The following HEATR5B variants were observed in gnomAD, a reference collection of about 807,000 sequenced individuals.
HEATR5B encodes the protein HEAT repeat containing 5B, also known as HEAT repeat-containing protein 5B.
Under a neutral mutation model 224.1 loss-of-function variants are expected in HEATR5B, and 156 were observed. The ratio of observed to expected loss-of-function variants is 0.70; its 90% CI spans 0.61 to 0.80. HEATR5B has a LOEUF of 0.80. Among genes scored for constraint, HEATR5B ranks in the 30% least tolerant of loss-of-function variants. The probability of loss-of-function intolerance (pLI) is 0.00; values close to 1 mark genes in which losing one functional copy is unlikely to be tolerated. For missense variants in HEATR5B, 2,323 were observed against 2,535.5 expected (o/e 0.92, Z 1.80); for synonymous variants, 1,027 against 893.0 (o/e 1.15, Z -2.68).
intron 17 of HEATR5B, among the ~76,000 whole-genome samples, chr2:37,052,761 T>C (rs1670640166): frequency 6.6e-6 from 1 of 152,154 alleles, no homozygotes; most frequent in South Asian, 2.1e-4. Context: ...GGTGACCAAG[T>C]GACTAACAGA....
chr2:37,071,328 C>G (rs1671894168), intron 6 of HEATR5B, among the ~76,000 whole-genome samples: 1 of 152,138 alleles, frequency 6.6e-6, no homozygotes, highest in Admixed American at 6.5e-5. Context: ...GGGCAGGGTT[C>G]ACTCAGCATC....
At chr2:37,066,457 T>C (rs1331390894) in intron 8 of HEATR5B, among the ~76,000 whole-genome samples, 2 of 152,248 alleles carry the variant, frequency 1.3e-5, no homozygotes, top group African/African-American at 4.8e-5. Context: ...TGTTCCAATA[T>C]ATTGGAGGTA....
chr2:37,016,113 CT>C (rs370375953), intron 26 of HEATR5B, among the ~76,000 whole-genome samples: 119 of 132,012 alleles, frequency 9.0e-4, no homozygotes, highest in East Asian at 4.2e-3. Flanking sequence ...TCCTTACTTT[CT>C]TTTTTTTTTT....
chr2:37,020,552 A>G, intron 25 of HEATR5B, 103 bp downstream of exon 25: 4 of 739,942 alleles, frequency 5.4e-6, no homozygotes, highest in Non-Finnish European at 8.5e-6. Flanking sequence ...CTACAGAAAT[A>G]AACAGATTGC....
At position 36,981,721 on chromosome 2, in the gene HEATR5B, T is replaced by C. The variant is rs1665593695; in HGVS notation, c.5985A>G (p.Ala1995=). The C allele has an allele frequency of 4.3e-6, 7 of 1,614,060 alleles. No individual in the cohort carries two copies. Among genetic ancestry groups the C allele is most frequent in the South Asian group, 1.1e-5 (1 of 91,046 alleles). ...CATGAAGATCTTTGGAAGCTGAACTTGCTGAGGCAAAAGAATTTTCATCCA... is the reference window on the plus strand; with the variant it reads ...CATGAAGATCTTTGGAAGCTGAACTCGCTGAGGCAAAAGAATTTTCATCCA... ...YLLDENSFAS[A]SSASKDLHEF... The change falls in exon 36 of 36, where the codon GCA becomes GCG. Residue 1995 remains alanine (A), a synonymous_variant. Coordinates refer to ENST00000233099, the MANE Select transcript of HEATR5B (RefSeq NM_019024.3).
chr2:37,062,210 T>C (rs989939314), intron 10 of HEATR5B, among the ~76,000 whole-genome samples, 160 bp from the exon 11 acceptor site: 1 of 152,178 alleles, frequency 6.6e-6, no homozygotes, highest in African/African-American at 2.4e-5. Context: ...GCAGATTGCC[T>C]GAGCTCAGGA....
At chr2:36,985,207 A>T (rs1665864544) in intron 35 of HEATR5B, among the ~76,000 whole-genome samples, 1 of 152,212 alleles carries the variant, frequency 6.6e-6, no homozygotes, top group Non-Finnish European at 1.5e-5. Flanking sequence ...TTGCCATCAA[A>T]TTAATATGAT....
chr2:37,057,555 T>A (rs2148548051), intron 14 of HEATR5B, 75 bp from the exon 15 acceptor site: 1 of 932,502 alleles, frequency 1.1e-6, no homozygotes, highest in African/African-American at 1.7e-5. Context: ...CACAAAGAGC[T>A]GCAACATGTT....
At chr2:37,057,239 T>TG in intron 15 of HEATR5B, 78 bp downstream of exon 15, 1 of 1,117,874 alleles carries the variant, frequency 8.9e-7, no homozygotes, top group Admixed American at 2.9e-5. Flanking sequence ...ATACACTATT[T>TG]TCTTTTTAAG....
rs1349902465 is a variant in HEATR5B at position 37,061,928 on chromosome 2, T to C, written c.1696+11A>G. The C allele has an allele frequency of 6.4e-7, 1 of 1,551,268 alleles. No homozygotes were observed. Among genetic ancestry groups the C allele is most frequent in the East Asian group, 2.2e-5 (1 of 44,574 alleles). On this transcript the variant is annotated intron_variant, in intron 11 of 35. Coordinates refer to ENST00000233099, the MANE Select transcript of HEATR5B (RefSeq NM_019024.3). ...TAGCGTGACAAAAATCCTACTCAAA[T>C]ATAATTATACCTAAAGTCATAAGTG...
intron 18 of HEATR5B, among the ~76,000 whole-genome samples, chr2:37,042,261 C>T (rs556903335): frequency 5.3e-5 from 8 of 151,952 alleles, no homozygotes; most frequent in Non-Finnish European, 8.8e-5. Flanking sequence ...AAGATGAATA[C>T]GAGGGGTCTT....
chr2:37,002,217 C>G, intron 32 of HEATR5B, 89 bp downstream of exon 32: 1 of 1,379,600 alleles, frequency 7.2e-7, no homozygotes. Context: ...TAAGAGGAAA[C>G]TGGGTTATAA....
At chr2:37,000,509 A>AT in intron 33 of HEATR5B, 77 bp downstream of exon 33, 1 of 1,141,382 alleles carries the variant, frequency 8.8e-7, no homozygotes, top group Admixed American at 1.8e-5. Context: ...CAGTTTTCTG[A>AT]TAAGCTTATT....
intron 35 of HEATR5B, among the ~76,000 whole-genome samples, chr2:36,982,945 T>C (rs1338505409): frequency 6.6e-6 from 1 of 150,442 alleles, no homozygotes; most frequent in African/African-American, 2.4e-5. Flanking sequence ...TTGTCTGTGT[T>C]TTCCTACCAG....
intron 30 of HEATR5B, among the ~76,000 whole-genome samples, chr2:37,004,661 A>G (rs1159277236): frequency 1.3e-5 from 2 of 151,426 alleles, no homozygotes; most frequent in African/African-American, 4.9e-5. Context: ...TATTTACTCG[A>G]TTCTTTCTTT....
chr2:37,043,830 T>C (rs1399925168), intron 18 of HEATR5B, among the ~76,000 whole-genome samples: 1 of 152,172 alleles, frequency 6.6e-6, no homozygotes, highest in Admixed American at 6.5e-5. Flanking sequence ...CAAGAACTTT[T>C]TGAAGTCCCT....
chr2:37,058,236 T>A (rs1426832341), intron 14 of HEATR5B, among the ~76,000 whole-genome samples: 1 of 152,012 alleles, frequency 6.6e-6, no homozygotes, highest in African/African-American at 2.4e-5. Context: ...CCTCATAAGT[T>A]GCAACACAGT....
intron 27 of HEATR5B, among the ~76,000 whole-genome samples, chr2:37,011,675 G>A (rs1313550672): frequency 1.3e-5 from 2 of 152,148 alleles, no homozygotes; most frequent in Non-Finnish European, 2.9e-5. Flanking sequence ...TACAGTGGAT[G>A]ACCCACAATG....
At chr2:37,033,501 A>G (rs1264017635) in intron 21 of HEATR5B, among the ~76,000 whole-genome samples, 1 of 152,234 alleles carries the variant, frequency 6.6e-6, no homozygotes, top group Non-Finnish European at 1.5e-5. Context: ...ACACCATAAT[A>G]TTTGAAAGCA....
Sources: gnomAD v4.1 joint callset for allele counts (sites outside exome capture counted in the v4.1 genomes callset) on GRCh38, gnomAD v4.1.1 for gene constraint, MANE v1.5 for transcripts, NCBI Gene and HGNC (gene_info 2026-07-23, HGNC 2026-07-21) for gene names.